Variants in SLC38A6 observed in about 807,000 individuals in gnomAD.
SLC38A6 encodes solute carrier family 38 member 6.
A neutral mutation model predicts 65.0 loss-of-function variants in SLC38A6; 73 were observed. The observed-to-expected ratio is 1.12, with a 90% CI of 0.93 to 1.37. The LOEUF (loss-of-function observed/expected upper bound fraction) is 1.37, where lower values mean the gene tolerates loss of function less well. SLC38A6 is among the 40% of genes most tolerant of loss of function. The pLI, the probability that SLC38A6 is intolerant of heterozygous loss-of-function variation, is 0.00. For synonymous variants in SLC38A6, 183 were observed against 178.8 expected, an observed-to-expected ratio of 1.02 and a Z score of -0.19; for missense variants, 561 against 531.1, an observed-to-expected ratio of 1.06 and a Z score of -0.55.
intron 3 of SLC38A6, among the ~76,000 whole-genome samples, chr14:61,007,360 T>C (rs1314493392): frequency 6.6e-6 from 1 of 151,994 alleles, no homozygotes; most frequent in African/African-American, 2.4e-5. Context: ...CCAGATGCAG[T>C]GGCTCACACC....
At chr14:61,020,677 C>T (rs901498403) in intron 5 of SLC38A6, among the ~76,000 whole-genome samples, 10 of 152,118 alleles carry the variant, frequency 6.6e-5, no homozygotes, top group African/African-American at 2.4e-4. Flanking sequence ...CTTCACACTT[C>T]ACAGTAGAAA....
intron 5 of SLC38A6, among the ~76,000 whole-genome samples, chr14:61,020,665 T>TA (rs2040298356): frequency 6.6e-6 from 1 of 152,154 alleles, no homozygotes; most frequent in Non-Finnish European, 1.5e-5. Context: ...TAACACACAC[T>TA]ACTTCACACT....
intron 15 of SLC38A6, among the ~76,000 whole-genome samples, chr14:61,069,357 C>G (rs528955083): frequency 1.3e-5 from 2 of 152,102 alleles, no homozygotes; most frequent in African/African-American, 4.8e-5. Context: ...CACTGCTACC[C>G]CCATTAATCC....
intron 16 of SLC38A6, among the ~76,000 whole-genome samples, chr14:61,082,765 C>G (rs1025310938): frequency 4.6e-5 from 7 of 152,146 alleles, no homozygotes; most frequent in Non-Finnish European, 1.0e-4. Context: ...GATCATGCCT[C>G]TGGGCCTCTG....
chr14:61,073,329 T>G (rs1054020437), intron 15 of SLC38A6, among the ~76,000 whole-genome samples: 1 of 152,196 alleles, frequency 6.6e-6, no homozygotes, highest in African/African-American at 2.4e-5. Context: ...CTGAAAGCAC[T>G]TTTATTATGA....
chr14:61,013,032 G>C (rs1474990487), intron 3 of SLC38A6, among the ~76,000 whole-genome samples: 2 of 152,102 alleles, frequency 1.3e-5, no homozygotes, highest in Non-Finnish European at 2.9e-5. Context: ...TCTCTTTGTA[G>C]GTCTCTAAGG....
chr14:61,053,725 T>A (rs2042611780), downstream of SLC38A6, among the ~76,000 whole-genome samples: 1 of 152,202 alleles, frequency 6.6e-6, no homozygotes. Context: ...TTGCCCACTT[T>A]TTAATGGGGT....
At chr14:61,076,091 G>A (rs1224065796) in intron 15 of SLC38A6, among the ~76,000 whole-genome samples, 1 of 152,048 alleles carries the variant, frequency 6.6e-6, no homozygotes, top group African/African-American at 2.4e-5. Context: ...CCGACCTCAG[G>A]TGATCTGCCC....
intron 15 of SLC38A6, among the ~76,000 whole-genome samples, chr14:61,062,586 TGA>T (rs576189291): frequency 8.7e-4 from 133 of 152,234 alleles, no homozygotes; most frequent in African/African-American, 3.0e-3. Context: ...CTCAGCATAC[TGA>T]GTAGCTGGGA....
intron 3 of SLC38A6, among the ~76,000 whole-genome samples, chr14:61,002,679 G>T (rs2038794554): frequency 6.6e-6 from 1 of 152,164 alleles, no homozygotes; most frequent in Non-Finnish European, 1.5e-5. Flanking sequence ...TAGCATTAAA[G>T]TGTGCCTTGA....
intron 3 of SLC38A6, among the ~76,000 whole-genome samples, chr14:61,015,178 A>T (rs1341257116): frequency 3.3e-5 from 5 of 152,198 alleles, no homozygotes; most frequent in African/African-American, 1.2e-4. Flanking sequence ...GGACCCTCCG[A>T]GCCAGGTGCG....
chr14:61,025,566 G>A (rs982485070), intron 5 of SLC38A6, among the ~76,000 whole-genome samples: 2 of 151,974 alleles, frequency 1.3e-5, no homozygotes, highest in South Asian at 2.1e-4. Context: ...AACATTTACT[G>A]GTAGTGTATC....
intron 3 of SLC38A6, among the ~76,000 whole-genome samples, chr14:60,994,067 CA>C (rs991553109): frequency 4.6e-5 from 7 of 152,278 alleles, no homozygotes; most frequent in African/African-American, 1.7e-4. Context: ...TCATAGGATC[CA>C]TCAGTAGTGC....
chr14:61,072,092 G>A (rs1033932734), intron 15 of SLC38A6, among the ~76,000 whole-genome samples: 8 of 152,178 alleles, frequency 5.3e-5, no homozygotes, highest in Non-Finnish European at 1.5e-5. Context: ...GGTGTCTGGT[G>A]AGGGCCTTGT....
intron 5 of SLC38A6, among the ~76,000 whole-genome samples, chr14:61,021,114 C>T (rs543631797): frequency 1.3e-5 from 2 of 152,222 alleles, no homozygotes; most frequent in Non-Finnish European, 2.9e-5. Context: ...CTGTACCCCA[C>T]TATATTGTTA....
chr14:61,040,408 C>T (rs1033642889), intron 8 of SLC38A6, among the ~76,000 whole-genome samples: 6 of 148,782 alleles, frequency 4.0e-5, no homozygotes, highest in South Asian at 4.3e-4. Context: ...GGCGCCATCT[C>T]GGCTCACTGC....
At chr14:61,003,633 C>T (rs377076313) in intron 3 of SLC38A6, among the ~76,000 whole-genome samples, 14 of 152,198 alleles carry the variant, frequency 9.2e-5, no homozygotes, top group Admixed American at 5.2e-4. Context: ...AAGTATTTCC[C>T]TAGTGTTGAT....
chr14:60,981,631 G>T (rs1345603513), intron 1 of SLC38A6: 4 of 1,456,392 alleles, frequency 2.7e-6, no homozygotes, highest in African/African-American at 1.4e-5. Context: ...ATGCAGCGTT[G>T]AGTGGAAGCT....
At chr14:61,074,844 CTT>C (rs921819044) in intron 15 of SLC38A6, among the ~76,000 whole-genome samples, 2 of 145,584 alleles carry the variant, frequency 1.4e-5, no homozygotes, top group Admixed American at 6.9e-5. Flanking sequence ...TCCTTAATGT[CTT>C]TTTTTTTTTG....
Sources: allele counts gnomAD v4.1 joint callset (sites outside exome capture counted in the v4.1 genomes callset), GRCh38; gene constraint gnomAD v4.1.1; transcripts MANE v1.5; gene names NCBI Gene and HGNC (gene_info 2026-07-23, HGNC 2026-07-21).